The following KIRREL3 variants were observed in gnomAD, a reference collection of about 807,000 sequenced individuals.
The protein encoded by KIRREL3 is kin of IRRE-like protein 3.
Under a neutral mutation model 89.7 loss-of-function variants are expected in KIRREL3, and 36 were observed. The observed-to-expected ratio is 0.40, with a 90% confidence interval of 0.31 to 0.53. The LOEUF (loss-of-function observed/expected upper bound fraction) is 0.53, where lower values mean the gene tolerates loss of function less well. KIRREL3 is among the 20% of genes least tolerant of loss of function. The pLI, the probability that KIRREL3 is intolerant of heterozygous loss-of-function variation, is 0.49. For missense variants in KIRREL3, 864 were observed against 1,056.6 expected, an observed-to-expected ratio of 0.82 and a Z score of 2.53; for synonymous variants, 445 against 441.4, an observed-to-expected ratio of 1.01 and a Z score of -0.10.
At chr11:126,853,175 CTG>C (rs1331865842) in intron 1 of KIRREL3, among the ~76,000 whole-genome samples, 2 of 152,132 alleles carry the variant, frequency 1.3e-5, no homozygotes, top group Non-Finnish European at 2.9e-5. Context: ...GTTTAAATCG[CTG>C]TGTGTGTTTT....
At position 126,954,894 on chromosome 11, in the gene KIRREL3, G is replaced by C. The variant is rs964825249; in HGVS notation, c.55+45561C>G. ...TAGGTAATGAAAGCAGAAAGAAGAC[G>C]CACCTCAAACATACTGTGTGGGCAA... On this transcript the variant is annotated intron_variant, in intron 1 of 16. Transcript: ENST00000525144. This position sits in a 1 kb window ranked among gnomAD's most constrained non-coding sequence, Gnocchi z 4.1. 1.3e-5 allele frequency among the ~76,000 whole-genome samples: 2 copies of C among 152,098 alleles called. No individual in the cohort carries two copies. The highest frequency in any genetic ancestry group is 4.8e-5 in the African/African-American group (2 of 41,418).
At position 126,526,147 on chromosome 11, in the gene KIRREL3, T is replaced by C. The variant is rs1240716304; in HGVS notation, c.283+391A>G. On this transcript the variant is annotated intron_variant, in intron 3 of 16. Coordinates refer to ENST00000525144, the MANE Select transcript of KIRREL3 (RefSeq NM_032531.4). This position sits in a 1 kb window ranked among gnomAD's most constrained non-coding sequence, Gnocchi z 5.7. ...GGGTGAGAAGCCTGGAAGAACCAGG[T>C]TGTGACTTGTATTTCCTTAATAATT... is the stretch of plus-strand genomic sequence containing the variant. Among the ~76,000 whole-genome samples the C allele has an allele frequency of 6.6e-6, 1 of 152,214 alleles. No individual in the cohort carries two copies. Among genetic ancestry groups the C allele is most frequent in the African/African-American group, 2.4e-5 (1 of 41,448 alleles).
At chr11:126,825,772 T>C (rs769973728) in intron 1 of KIRREL3, among the ~76,000 whole-genome samples, 7 of 152,190 alleles carry the variant, frequency 4.6e-5, no homozygotes, top group Non-Finnish European at 8.8e-5. Flanking sequence ...AGCAACCCAG[T>C]GAGGTAGGTA....
chr11:126,758,008 C>T (rs987924309), intron 1 of KIRREL3, among the ~76,000 whole-genome samples: 18 of 152,194 alleles, frequency 1.2e-4, no homozygotes, highest in South Asian at 6.2e-4. Context: ...TGTTGCCAAT[C>T]GGGAGGTGCT....
chr11:126,939,630 T>C (rs1416314708), intron 1 of KIRREL3, among the ~76,000 whole-genome samples: 3 of 152,128 alleles, frequency 2.0e-5, no homozygotes, highest in Non-Finnish European at 4.4e-5. Flanking sequence ...ACAGGTGAAC[T>C]AGGAGGATCA....
intron 1 of KIRREL3, chr11:126,681,984 T>G: frequency 2.3e-6 from 1 of 426,716 alleles, no homozygotes; most frequent in South Asian, 1.7e-5. Flanking sequence ...AACAGATGAG[T>G]TTGGGAATCA....
chr11:126,502,509 C>A (rs1957893829), intron 4 of KIRREL3, among the ~76,000 whole-genome samples: 2 of 152,254 alleles, frequency 1.3e-5, no homozygotes, highest in Non-Finnish European at 2.9e-5. Flanking sequence ...TCTGGAGAAC[C>A]ATTTTCTGCT....
In KIRREL3 at chr11:126,715,864, C is replaced by T. The variant is rs1006383871; in HGVS notation, c.56-152952G>A. ...GCGCAGAAAAGCCCTTGGTGCTCCT[C>T]TGAAGAATGCAAGAGCAATCTGCAG... On this transcript the variant is annotated intron_variant, in intron 1 of 16. Transcript: ENST00000525144. This position sits in a 1 kb window ranked among gnomAD's most constrained non-coding sequence, Gnocchi z 4.4. Among the ~76,000 whole-genome samples, 2 of 152,170 alleles carry T rather than the reference C, an allele frequency of 1.3e-5. No individual in the cohort carries two copies. The highest frequency in any genetic ancestry group is 4.8e-5 in the African/African-American group (2 of 41,426).
intron 1 of KIRREL3, among the ~76,000 whole-genome samples, chr11:126,632,950 G>T (rs577302179): frequency 6.3e-4 from 96 of 151,768 alleles, no homozygotes; most frequent in African/African-American, 2.2e-3. Flanking sequence ...AAATTAGCCT[G>T]GTGTGGTGGT....
chr11:126,694,769 T>G lies in KIRREL3; in HGVS notation c.56-131857A>C, dbSNP rs912476557. Among the ~76,000 whole-genome samples the G allele has an allele frequency of 6.6e-6, 1 of 152,226 alleles. No individual in the cohort carries two copies. ...ATGATGATGGAATTCATTATATATA[T>G]GAGAGTGCTTACTCAGTATCAGGTA... On this transcript the variant is annotated intron_variant, in intron 1 of 16. Transcript: ENST00000525144. This position sits in a 1 kb window ranked among gnomAD's most constrained non-coding sequence, Gnocchi z 4.4.
chr11:126,437,020 G>A lies in KIRREL3; in HGVS notation c.1354-11C>T, dbSNP rs1220453578. ...CTTCCAGGACCAGGCCTGCCCGGGGGCGCAGAATCAGGAGGAGACCCCACC... is the reference window on the plus strand; with the variant it reads ...CTTCCAGGACCAGGCCTGCCCGGGGACGCAGAATCAGGAGGAGACCCCACC... On this transcript the variant is annotated splice_polypyrimidine_tract_variant and intron_variant, in intron 11 of 16. Transcript: ENST00000525144. 3 of 1,513,508 alleles carry A rather than the reference G, an allele frequency of 2.0e-6. No individual in the cohort carries two copies. The highest frequency in any genetic ancestry group is 2.4e-5 in the East Asian group (1 of 41,536). 93.8% of individuals were successfully genotyped at this position (1,513,508 alleles called of 1,614,324 possible). A position where few individuals can be genotyped will look rare whatever the true frequency, so the allele number is the denominator to read the frequency against.
chr11:126,492,770 ACTGGCTTCTTAC>A lies in KIRREL3; in HGVS notation c.434-19316_434-19305del, dbSNP rs1957556560. On this transcript the variant is annotated intron_variant, in intron 4 of 16. Transcript: ENST00000525144. The surrounding 1 kb of genome is among the most constrained non-coding windows in gnomAD (Gnocchi z 4.8). The stretch of plus-strand genomic sequence containing the variant: ...CTCTGAGCTGGACCGTGCAGGGAGG[ACTGGCTTCTTAC>A]CTGCCCCGAGACCCAGCTCTTTCCT... Among the ~76,000 whole-genome samples, 1 of 152,022 alleles carries A rather than the reference ACTGGCTTCTTAC, an allele frequency of 6.6e-6. No individual in the cohort carries two copies. Among genetic ancestry groups the A allele is most frequent in the Non-Finnish European group, 1.5e-5 (1 of 68,002 alleles).
upstream of KIRREL3, chr11:127,001,142 G>A (rs1358699264): frequency 6.5e-6 from 1 of 152,898 alleles, no homozygotes; most frequent in African/African-American, 2.4e-5. Context: ...TGCACGCCCT[G>A]CCTTTGCAAA....
rs1458769146 is a variant in KIRREL3, at chr11:126,860,133, G to T, written c.55+140322C>A. ...GTAAGGAGGATAAGGAGAGAAAGAGGGAGGATGATATTGGAATTAATTTCA... is the reference window on the plus strand; with the variant it reads ...GTAAGGAGGATAAGGAGAGAAAGAGTGAGGATGATATTGGAATTAATTTCA... On this transcript the variant is annotated intron_variant, in intron 1 of 16. Coordinates refer to ENST00000525144, the MANE Select transcript of KIRREL3 (RefSeq NM_032531.4). The surrounding 1 kb of genome is among the most constrained non-coding windows in gnomAD (Gnocchi z 4.6). Among the ~76,000 whole-genome samples, 1 of 152,124 alleles carries T rather than the reference G, an allele frequency of 6.6e-6. No individual in the cohort carries two copies. The highest frequency in any genetic ancestry group is 1.5e-5 in the Non-Finnish European group (1 of 68,024).
chr11:126,689,042 A>AAGAGAGAGAGAGAGAGAGAGAG lies in KIRREL3; in HGVS notation c.56-126152_56-126131dup, dbSNP rs58257040. Among the ~76,000 whole-genome samples, 1 of 129,816 alleles carries AAGAGAGAGAGAGAGAGAGAGAG rather than the reference A, an allele frequency of 7.7e-6. No homozygotes were observed. Among genetic ancestry groups the AAGAGAGAGAGAGAGAGAGAGAG allele is most frequent in the African/African-American group, 3.0e-5 (1 of 33,428 alleles). The allele number at this position is 129,816 out of a possible 152,430, so 85.2% of individuals were successfully genotyped here. ...ATGTGTGTGTGTGTAAGGGGGAGAG[A>AAGAGAGAGAGAGAGAGAGAGAG]AGAGAGAGAGAGAGAGAGAGAGAGA... On this transcript the variant is annotated intron_variant, in intron 1 of 16. Transcript: ENST00000525144. The surrounding 1 kb of genome is among the most constrained non-coding windows in gnomAD (Gnocchi z 5.2).
intron 1 of KIRREL3, among the ~76,000 whole-genome samples, chr11:126,585,138 C>T (rs1941763394): frequency 6.6e-6 from 1 of 150,506 alleles, no homozygotes; most frequent in African/African-American, 2.4e-5. Context: ...CCAGGATGGT[C>T]TCGATCTCCT....
intron 1 of KIRREL3, among the ~76,000 whole-genome samples, chr11:126,604,533 C>A (rs483027): frequency 0.22 from 33,195 of 152,118 alleles, 3,775 homozygotes; most frequent in Admixed American, 0.33. Flanking sequence ...CCAGGCCGTT[C>A]GCAGTTAGTG....
intron 2 of KIRREL3, among the ~76,000 whole-genome samples, chr11:126,546,882 C>T (rs146612025): frequency 1.6e-4 from 25 of 152,252 alleles, no homozygotes; most frequent in Non-Finnish European, 3.2e-4. Context: ...ATACCCATTT[C>T]GCAGATGAGA....
intron 1 of KIRREL3, among the ~76,000 whole-genome samples, chr11:126,894,426 G>A (rs974012128): frequency 1.3e-5 from 2 of 151,252 alleles, no homozygotes; most frequent in Non-Finnish European, 2.9e-5. Context: ...ATCGTGTTAA[G>A]TGCTGGGCAT....
Sources: gnomAD v4.1 joint callset for allele counts (sites outside exome capture counted in the v4.1 genomes callset) on GRCh38, gnomAD v4.1.1 for gene constraint, Gnocchi (gnomAD v3.1) non-coding constraint, MANE v1.5 for transcripts, NCBI Gene and HGNC (gene_info 2026-07-23, HGNC 2026-07-21) for gene names.